The following SYT9 variants were observed in gnomAD, a reference collection of about 807,000 sequenced individuals.
SYT9 encodes synaptotagmin 9, also known as synaptotagmin-9.
A neutral mutation model predicts 48.4 loss-of-function variants in SYT9; 22 were observed. The ratio of observed to expected loss-of-function variants is 0.45; its 90% CI spans 0.32 to 0.65. SYT9 has a LOEUF of 0.65. Ranked by LOEUF, SYT9 falls within the 30% of genes least tolerant of loss-of-function variation. The pLI, the probability that SYT9 is intolerant of heterozygous loss-of-function variation, is 0.03. For missense variants in SYT9, 577 were observed against 622.0 expected (o/e 0.93, Z 0.77); for synonymous variants, 265 against 245.0 (o/e 1.08, Z -0.76).
chr11:7,436,161 C>A (rs955772813), intron 6 of SYT9, among the ~76,000 whole-genome samples: 1 of 152,190 alleles, frequency 6.6e-6, no homozygotes, highest in South Asian at 2.1e-4. Context: ...CCATCACTAT[C>A]CACTCCATGC....
chr11:7,297,186 G>A (rs1848830267), intron 1 of SYT9, among the ~76,000 whole-genome samples: 1 of 151,874 alleles, frequency 6.6e-6, no homozygotes, highest in Non-Finnish European at 1.5e-5. Flanking sequence ...CCTCACCCAA[G>A]ACATATTAAA....
rs1444012259 is a variant in SYT9 at position 7,347,307 on chromosome 11, C to T, written c.1044+33366C>T. ...AGTGCGATGGCACGATCTCAGCTCA[C>T]TGCAACCTCTGCCTCCCAGGTTCAA... is the stretch of plus-strand genomic sequence containing the variant. On this transcript the variant is annotated intron_variant, in intron 3 of 6. Coordinates refer to ENST00000318881, the MANE Select transcript of SYT9 (RefSeq NM_175733.4). 2.6e-5 allele frequency among the ~76,000 whole-genome samples: 4 copies of T among 152,070 alleles called. 1 individual carries two copies. The South Asian group carries it at 6.2e-4, about 24-fold the overall frequency.
intron 3 of SYT9, among the ~76,000 whole-genome samples, chr11:7,362,515 T>A (rs1260924415): frequency 6.6e-6 from 1 of 152,160 alleles, no homozygotes; most frequent in Non-Finnish European, 1.5e-5. Flanking sequence ...GAAAAATGAA[T>A]ATTTTTAACT....
intron 1 of SYT9, among the ~76,000 whole-genome samples, chr11:7,284,328 T>C (rs1420626375): frequency 6.6e-6 from 1 of 152,178 alleles, no homozygotes; most frequent in African/African-American, 2.4e-5. Context: ...GGTACATTAG[T>C]TTCCCTACTT....
At chr11:7,298,320 ATC>A (rs1364354785) in intron 1 of SYT9, among the ~76,000 whole-genome samples, 1 of 152,048 alleles carries the variant, frequency 6.6e-6, no homozygotes, top group Non-Finnish European at 1.5e-5. Flanking sequence ...ATCAGATTGG[ATC>A]TCAAGGGTGT....
At chr11:7,249,393 T>C (rs1589884545), upstream of SYT9, among the ~76,000 whole-genome samples, 1 of 152,192 alleles carries the variant, frequency 6.6e-6, no homozygotes, top group African/African-American at 2.4e-5. Flanking sequence ...GGGAACAGAC[T>C]TGACTTCTTG....
rs113919378 is a variant in SYT9, at chr11:7,302,432, T to G, written c.146-607T>G. Reference sequence around the variant, plus strand: ...GGTATGCTACTGGGGAAACCCAAACTACAATATTCTATCCTGCGTCCTGAG... The same window carrying G: ...GGTATGCTACTGGGGAAACCCAAACGACAATATTCTATCCTGCGTCCTGAG... On this transcript the variant is annotated intron_variant, in intron 1 of 6. Transcript: ENST00000318881. 3.8e-3 allele frequency among the ~76,000 whole-genome samples: 581 copies of G among 152,338 alleles called. 8 individuals are homozygous for G. Among genetic ancestry groups the G allele is most frequent in the African/African-American group, 0.014 (570 of 41,578 alleles).
intron 3 of SYT9, among the ~76,000 whole-genome samples, chr11:7,400,001 C>T (rs1589998742): frequency 6.6e-6 from 1 of 152,180 alleles, no homozygotes; most frequent in African/African-American, 2.4e-5. Context: ...TGCTCATCCT[C>T]CAGCTGAAAT....
At chr11:7,374,913 T>A (rs1382989995) in intron 3 of SYT9, among the ~76,000 whole-genome samples, 1 of 152,244 alleles carries the variant, frequency 6.6e-6, no homozygotes, top group African/African-American at 2.4e-5. Flanking sequence ...GTGCAGAATC[T>A]CTTTAGTTTA....
intron 1 of SYT9, among the ~76,000 whole-genome samples, chr11:7,243,352 C>T (rs1163342181): frequency 1.3e-5 from 2 of 152,284 alleles, no homozygotes; most frequent in African/African-American, 2.4e-5. Context: ...GCACTAAACT[C>T]GGCAGATAAC....
chr11:7,332,245 C>G (rs1013283063), intron 3 of SYT9, among the ~76,000 whole-genome samples: 1 of 152,172 alleles, frequency 6.6e-6, no homozygotes, highest in African/African-American at 2.4e-5. Context: ...CACCCTGAGA[C>G]GAGGGGGCCG....
At chr11:7,445,910 T>C (rs900475636) in intron 6 of SYT9, among the ~76,000 whole-genome samples, 1 of 152,220 alleles carries the variant, frequency 6.6e-6, no homozygotes. Flanking sequence ...CTCTGGCCAG[T>C]GTTTGGGCTC....
chr11:7,446,664 C>G (rs1179625447), intron 6 of SYT9, among the ~76,000 whole-genome samples: 2 of 152,226 alleles, frequency 1.3e-5, no homozygotes, highest in African/African-American at 2.4e-5. Context: ...TCCCCCCCAG[C>G]CTCTCTGCCT....
intron 1 of SYT9, among the ~76,000 whole-genome samples, chr11:7,239,323 G>T (rs1283072274): frequency 6.6e-6 from 1 of 152,140 alleles, no homozygotes; most frequent in African/African-American, 2.4e-5. Context: ...CTTTCCCTGG[G>T]TGTTTCATCA....
chr11:7,413,530 T>A (rs564552372), intron 3 of SYT9, among the ~76,000 whole-genome samples: 2 of 151,890 alleles, frequency 1.3e-5, no homozygotes, highest in African/African-American at 4.8e-5. Flanking sequence ...CCCTGGGAGG[T>A]CTCTCACTTA....
At chr11:7,261,731 C>T (rs774847604) in intron 1 of SYT9, among the ~76,000 whole-genome samples, 3 of 151,618 alleles carry the variant, frequency 2.0e-5, no homozygotes, top group African/African-American at 2.4e-5. Flanking sequence ...GGCAGGAGAG[C>T]GGCGGGTACA....
At chr11:7,377,180 A>T (rs970089849) in intron 3 of SYT9, among the ~76,000 whole-genome samples, 1 of 151,438 alleles carries the variant, frequency 6.6e-6, no homozygotes. Flanking sequence ...GAGTTCATGA[A>T]TTATGGACCC....
intron 1 of SYT9, among the ~76,000 whole-genome samples, chr11:7,271,552 G>C (rs548838983): frequency 2.0e-5 from 3 of 152,214 alleles, no homozygotes; most frequent in East Asian, 3.9e-4. Context: ...GCTGACTTCA[G>C]AATATTCTGC....
intron 6 of SYT9, among the ~76,000 whole-genome samples, chr11:7,423,216 T>A (rs1439995512): frequency 6.6e-6 from 1 of 152,196 alleles, no homozygotes; most frequent in South Asian, 2.1e-4. Flanking sequence ...CTCTTTGAAG[T>A]ACACGTCTGG....
Sources: allele counts gnomAD v4.1 joint callset (sites outside exome capture counted in the v4.1 genomes callset), GRCh38; gene constraint gnomAD v4.1.1; transcripts MANE v1.5; gene names NCBI Gene and HGNC (gene_info 2026-07-23, HGNC 2026-07-21).